MNAT1: variants seen among roughly 807,000 people sequenced by gnomAD.
MNAT1 encodes the protein MNAT1 component of CDK activating kinase, also known as CDK-activating kinase assembly factor MAT1.
In MNAT1, 43 loss-of-function variants were observed where a neutral mutation model predicts 42.0. That is an observed-to-expected ratio of 1.02 (90% CI 0.80 to 1.32). The LOEUF (loss-of-function observed/expected upper bound fraction) is 1.32. MNAT1 is among the 40% of genes most tolerant of loss of function. MNAT1 has a pLI of 0.00. For missense variants in MNAT1, 306 were observed against 350.4 expected (o/e 0.87, Z 1.01); for synonymous variants, 118 against 120.0 (o/e 0.98, Z 0.11).
At chr14:60,916,644 G>C (rs957136792) in intron 7 of MNAT1, among the ~76,000 whole-genome samples, 3 of 151,966 alleles carry the variant, frequency 2.0e-5, no homozygotes, top group Admixed American at 2.0e-4. Context: ...AACAGAGTGA[G>C]ACCCTGCCTC....
intron 7 of MNAT1, among the ~76,000 whole-genome samples, chr14:60,952,628 CACAG>C (rs1286950374): frequency 1.3e-5 from 2 of 152,116 alleles, no homozygotes; most frequent in African/African-American, 2.4e-5. Flanking sequence ...GAAAGTCAGA[CACAG>C]ACAGAGCGTT....
intron 7 of MNAT1, among the ~76,000 whole-genome samples, chr14:60,935,028 A>G (rs1204559166): frequency 6.6e-6 from 1 of 152,220 alleles, no homozygotes; most frequent in East Asian, 1.9e-4. Flanking sequence ...TTCATTTTCC[A>G]TTTAACATTT....
At chr14:60,886,548 G>T (rs2034675682) in intron 7 of MNAT1, among the ~76,000 whole-genome samples, 1 of 151,688 alleles carries the variant, frequency 6.6e-6, no homozygotes, top group Non-Finnish European at 1.5e-5. Context: ...TTACATTAAA[G>T]GCTAATGTAA....
intron 5 of MNAT1, 145 bp from the exon 6 acceptor site, chr14:60,818,577 A>G (rs2032785739): frequency 7.5e-6 from 4 of 531,070 alleles, no homozygotes; most frequent in Non-Finnish European, 1.2e-5. Context: ...TGGAATGTTA[A>G]TATTTTTTGT....
chr14:60,846,330 C>T (rs1296019946), intron 6 of MNAT1, among the ~76,000 whole-genome samples: 1 of 151,992 alleles, frequency 6.6e-6, no homozygotes, highest in Non-Finnish European at 1.5e-5. Flanking sequence ...GGCACATCAA[C>T]CTAGCGGTGT....
rs1172722580 is a variant in MNAT1 at position 60,734,954 on chromosome 14, G to T, written c.89+3G>T. ...GTGAATGTGTGCGGACACACTCTGT[G>T]AGTTGGGCGGCAGTGGATTCCCTGG... On this transcript the variant is annotated splice_donor_region_variant and intron_variant, in intron 1 of 7. Coordinates refer to ENST00000261245, the MANE Select transcript of MNAT1 (RefSeq NM_002431.4). This position sits in a 1 kb window ranked among gnomAD's most constrained non-coding sequence, Gnocchi z 4.3. The T allele has an allele frequency of 1.2e-6, 2 of 1,614,164 alleles. No homozygotes were observed. The highest frequency in any genetic ancestry group is 1.7e-6 in the Non-Finnish European group (2 of 1,180,002).
At chr14:60,861,223 A>G (rs1395304736) in intron 6 of MNAT1, among the ~76,000 whole-genome samples, 1 of 152,116 alleles carries the variant, frequency 6.6e-6, no homozygotes. Flanking sequence ...TTTTTTCCAA[A>G]AGATTGTATA....
At chr14:60,943,321 A>T (rs10133880) in intron 7 of MNAT1, among the ~76,000 whole-genome samples, 10 of 152,000 alleles carry the variant, frequency 6.6e-5, no homozygotes, top group Non-Finnish European at 1.3e-4. Context: ...ATGAACACTC[A>T]TAAAATTTCA....
chr14:60,930,965 C>T (rs530930522), intron 7 of MNAT1, among the ~76,000 whole-genome samples: 3 of 152,018 alleles, frequency 2.0e-5, no homozygotes, highest in Admixed American at 6.6e-5. Flanking sequence ...CTATGGAAGA[C>T]GTTTAAATAA....
chr14:60,811,940 C>T, intron 4 of MNAT1, 47 bp from the exon 5 acceptor site: 1 of 1,491,118 alleles, frequency 6.7e-7, no homozygotes, highest in South Asian at 1.5e-5. Flanking sequence ...TATGATTGCT[C>T]TTGGCTCCTA....
intron 1 of MNAT1, among the ~76,000 whole-genome samples, chr14:60,756,337 CACT>C (rs2030348655): frequency 6.6e-6 from 1 of 152,126 alleles, no homozygotes; most frequent in South Asian, 2.1e-4. Context: ...GAGTATGCTA[CACT>C]TGTCTGGAAA....
At chr14:60,902,141 T>C (rs572649309) in intron 7 of MNAT1, among the ~76,000 whole-genome samples, 2 of 152,302 alleles carry the variant, frequency 1.3e-5, no homozygotes, top group East Asian at 3.9e-4. Flanking sequence ...AAAGCAGATA[T>C]CAACATCCAG....
In MNAT1 at chr14:60,968,218, T is replaced by C. The variant is rs750955619; in HGVS notation, c.810-11T>C. Reference sequence around the variant, plus strand: ...TTGTATATCAATGCTACACTTCTTGTTTTGTTTTAGGTATTTAAACCATGT... The same window carrying C: ...TTGTATATCAATGCTACACTTCTTGCTTTGTTTTAGGTATTTAAACCATGT... On this transcript the variant is annotated splice_polypyrimidine_tract_variant and intron_variant, in intron 7 of 7. Transcript: ENST00000261245. The C allele has an allele frequency of 7.5e-6, 12 of 1,595,198 alleles. No individual in the cohort carries two copies. Among genetic ancestry groups the C allele is most frequent in the African/African-American group, 1.3e-5 (1 of 74,208 alleles).
intron 6 of MNAT1, among the ~76,000 whole-genome samples, chr14:60,862,168 A>G (rs1467402158): frequency 1.3e-5 from 2 of 152,194 alleles, no homozygotes; most frequent in East Asian, 1.9e-4. Flanking sequence ...TGCTCTTGCT[A>G]AAGACAGCAA....
intron 1 of MNAT1, among the ~76,000 whole-genome samples, chr14:60,772,754 A>G (rs2140308245): frequency 6.6e-6 from 1 of 152,180 alleles, no homozygotes; most frequent in Admixed American, 6.5e-5. Context: ...GTAAAAAGCT[A>G]GTCTGAGATT....
At chr14:60,840,996 T>C (rs2033534555) in intron 6 of MNAT1, among the ~76,000 whole-genome samples, 3 of 152,218 alleles carry the variant, frequency 2.0e-5, no homozygotes, top group African/African-American at 7.2e-5. Context: ...GAGTGTGGTC[T>C]GTCTTGGTGA....
At chr14:60,819,945 G>A (rs535956345) in intron 6 of MNAT1, among the ~76,000 whole-genome samples, 1 of 152,176 alleles carries the variant, frequency 6.6e-6, no homozygotes, top group Non-Finnish European at 1.5e-5. Context: ...AGTTTTTATT[G>A]ATAATAACGA....
At chr14:60,822,682 T>C (rs2032930169) in intron 6 of MNAT1, among the ~76,000 whole-genome samples, 1 of 150,750 alleles carries the variant, frequency 6.6e-6, no homozygotes, top group African/African-American at 2.4e-5. Flanking sequence ...TCTCAAGCAA[T>C]CTTGGAACGC....
Position 60,897,353 on chromosome 14 carries a change from A to C in MNAT1, c.809+17518A>C, listed in dbSNP as rs970025180. 1.1e-4 allele frequency among the ~76,000 whole-genome samples: 16 copies of C among 152,206 alleles called. No individual in the cohort carries two copies. The East Asian group carries it at 2.5e-3, about 24-fold the overall frequency. On this transcript the variant is annotated intron_variant, in intron 7 of 7. Transcript: ENST00000261245. ...AAATATATGCATTATGTAAATACATAATTTATATATATCTTTAAATTTCTG... is the reference window on the plus strand; with the variant it reads ...AAATATATGCATTATGTAAATACATCATTTATATATATCTTTAAATTTCTG...
Sources: gnomAD v4.1 joint callset for allele counts (sites outside exome capture counted in the v4.1 genomes callset) on GRCh38, gnomAD v4.1.1 for gene constraint, Gnocchi (gnomAD v3.1) non-coding constraint, MANE v1.5 for transcripts, NCBI Gene and HGNC (gene_info 2026-07-23, HGNC 2026-07-21) for gene names.